Variants in PPP4R2 observed in about 807,000 individuals in gnomAD.
The protein encoded by PPP4R2 is protein phosphatase 4 regulatory subunit 2.
A neutral mutation model predicts 47.2 loss-of-function variants in PPP4R2; 13 were observed. The ratio of observed to expected loss-of-function variants is 0.28; its 90% confidence interval spans 0.18 to 0.44. PPP4R2 has a LOEUF of 0.44. Ranked by LOEUF, PPP4R2 falls within the 20% of genes least tolerant of loss-of-function variation. The pLI is 1.00. For missense variants in PPP4R2, 421 were observed against 491.2 expected (o/e 0.86, Z 1.35); for synonymous variants, 151 against 163.3 (o/e 0.92, Z 0.57).
chr3:72,999,448 A>T (rs1253414308), intron 2 of PPP4R2, among the ~76,000 whole-genome samples: 1 of 152,194 alleles, frequency 6.6e-6, no homozygotes, highest in Non-Finnish European at 1.5e-5. Flanking sequence ...GTCGGCACAG[A>T]CTTAGCCCTG....
intron 3 of PPP4R2, among the ~76,000 whole-genome samples, chr3:73,056,691 A>G (rs1043781106): frequency 1.3e-5 from 2 of 152,202 alleles, no homozygotes; most frequent in African/African-American, 4.8e-5. Flanking sequence ...TGGTATTGCT[A>G]TGTAAACACA....
At chr3:73,054,219 A>T (rs1358765403) in intron 3 of PPP4R2, among the ~76,000 whole-genome samples, 1 of 152,134 alleles carries the variant, frequency 6.6e-6, no homozygotes, top group Non-Finnish European at 1.5e-5. Context: ...TGCTCAGCTA[A>T]TTTCGCCTCT....
intron 5 of PPP4R2, 93 bp from the exon 6 acceptor site, chr3:73,063,580 C>A: frequency 1.4e-6 from 1 of 699,026 alleles, no homozygotes; most frequent in Non-Finnish European, 2.5e-6. Flanking sequence ...GCTGAGATTG[C>A]ACCACTGCAC....
At chr3:73,020,858 G>A (rs944496601) in intron 2 of PPP4R2, among the ~76,000 whole-genome samples, 1 of 151,876 alleles carries the variant, frequency 6.6e-6, no homozygotes, top group African/African-American at 2.4e-5. Flanking sequence ...TCCTCACATG[G>A]TGGAGAGAGT....
Position 73,068,043 on chromosome 3 carries a change from A to G in PPP4R2, c.*2321A>G, listed in dbSNP as rs1703036365. 6.6e-6 allele frequency: 1 copy of G among 152,182 alleles called. No homozygotes were observed. Among genetic ancestry groups the G allele is most frequent in the Admixed American group, 6.5e-5 (1 of 15,274 alleles). 9.4% of individuals were successfully genotyped at this position (152,182 alleles called of 1,614,324 possible). ...GTAGGTGGAATACTTCTGTAGTTAA[A>G]TTGGGAAACCTTGTTCAGCTGGTTT... On this transcript the variant is annotated 3_prime_UTR_variant, in exon 9 of 9. Coordinates refer to ENST00000356692, the MANE Select transcript of PPP4R2 (RefSeq NM_174907.4).
At chr3:73,030,255 G>C (rs1702144034) in intron 2 of PPP4R2, among the ~76,000 whole-genome samples, 1 of 152,094 alleles carries the variant, frequency 6.6e-6, no homozygotes, top group Non-Finnish European at 1.5e-5. Context: ...TGGCAAATGT[G>C]GTATATAAAT....
chr3:73,041,242 G>A lies in PPP4R2; in HGVS notation c.117-5944G>A, dbSNP rs186015040. Among the ~76,000 whole-genome samples the A allele has an allele frequency of 2.2e-3, 336 of 152,168 alleles. 5 individuals carry two copies. The highest frequency in any genetic ancestry group is 5.0e-4 in the Non-Finnish European group (34 of 67,994). ...GATCTATTTTAATGTTCAGTTAGTC[G>A]ACAAGATGTAATATGATGTGGAATG... On this transcript the variant is annotated intron_variant, in intron 2 of 8. Transcript: ENST00000356692.
At chr3:73,002,410 C>T (rs775330277) in intron 2 of PPP4R2, among the ~76,000 whole-genome samples, 4 of 152,048 alleles carry the variant, frequency 2.6e-5, no homozygotes, top group Admixed American at 6.6e-5. Flanking sequence ...GTACATGCCA[C>T]GATGCCTGGC....
intron 2 of PPP4R2, among the ~76,000 whole-genome samples, chr3:73,021,898 A>ATC (rs1331195723): frequency 9.0e-6 from 1 of 110,762 alleles, no homozygotes. Flanking sequence ...GCATATATAT[A>ATC]TATTTTTTTT....
chr3:73,064,562 T>TA (rs1382536149), intron 7 of PPP4R2, among the ~76,000 whole-genome samples: 1 of 152,172 alleles, frequency 6.6e-6, no homozygotes, highest in Admixed American at 6.5e-5. Flanking sequence ...GGAGAGGACT[T>TA]AAGAGAGTAT....
chr3:73,033,668 G>T (rs1184762342), intron 2 of PPP4R2, among the ~76,000 whole-genome samples: 2 of 152,064 alleles, frequency 1.3e-5, no homozygotes, highest in Non-Finnish European at 2.9e-5. Flanking sequence ...TATAAATTCT[G>T]TACCCATTAA....
intron 2 of PPP4R2, among the ~76,000 whole-genome samples, chr3:73,042,977 G>A (rs1380752531): frequency 6.6e-6 from 1 of 152,060 alleles, no homozygotes; most frequent in Non-Finnish European, 1.5e-5. Flanking sequence ...CTCTTGTCTG[G>A]CTGTTCCCAT....
intron 2 of PPP4R2, among the ~76,000 whole-genome samples, chr3:73,016,410 A>G (rs1179208309): frequency 6.6e-6 from 1 of 152,086 alleles, no homozygotes; most frequent in African/African-American, 2.4e-5. Flanking sequence ...CAAACATCCT[A>G]TATTGCTTAG....
intron 3 of PPP4R2, 32 bp from the exon 4 acceptor site, chr3:73,059,005 A>G (rs768689819): frequency 7.9e-7 from 1 of 1,264,428 alleles, no homozygotes; most frequent in Non-Finnish European, 1.1e-6. Flanking sequence ...ATTATCAGTG[A>G]TCTCACACTG....
chr3:73,033,720 C>T (rs1468176596), intron 2 of PPP4R2, among the ~76,000 whole-genome samples: 1 of 152,126 alleles, frequency 6.6e-6, no homozygotes, highest in Non-Finnish European at 1.5e-5. Context: ...CCCTGTCTAG[C>T]TTTTGTGTCT....
intron 2 of PPP4R2, among the ~76,000 whole-genome samples, chr3:73,036,693 C>CT (rs1242788383): frequency 6.6e-6 from 1 of 151,936 alleles, no homozygotes; most frequent in African/African-American, 2.4e-5. Context: ...TTTTTTTCTT[C>CT]TTTTTTTGAA....
chr3:73,011,069 A>G (rs1701715974), intron 2 of PPP4R2, among the ~76,000 whole-genome samples: 1 of 152,186 alleles, frequency 6.6e-6, no homozygotes, highest in African/African-American at 2.4e-5. Context: ...TCTGGCTCCA[A>G]ATCCTCTTGT....
chr3:73,054,001 C>T (rs950799210), intron 3 of PPP4R2, among the ~76,000 whole-genome samples: 4 of 151,488 alleles, frequency 2.6e-5, no homozygotes, highest in East Asian at 2.0e-4. Context: ...GAGTGTTGCT[C>T]TATTACCTGG....
chr3:73,031,851 C>T (rs983770250), intron 2 of PPP4R2, among the ~76,000 whole-genome samples: 3 of 152,204 alleles, frequency 2.0e-5, no homozygotes, highest in African/African-American at 7.2e-5. Context: ...TCTCCCCATC[C>T]TGAGTTTCTT....
Sources: gnomAD v4.1 joint callset for allele counts (sites outside exome capture counted in the v4.1 genomes callset) on GRCh38, gnomAD v4.1.1 for gene constraint, MANE v1.5 for transcripts, NCBI Gene and HGNC (gene_info 2026-07-23, HGNC 2026-07-21) for gene names.